The following ABCA12 variants were observed in gnomAD, a reference collection of about 807,000 sequenced individuals.
ABCA12 encodes the protein glucosylceramide transporter ABCA12.
A neutral mutation model predicts 293.5 loss-of-function variants in ABCA12; 156 were observed. The ratio of observed to expected loss-of-function variants is 0.53; its 90% CI spans 0.47 to 0.61. ABCA12 has a LOEUF of 0.61. Ranked by LOEUF, ABCA12 falls within the 20% of genes least tolerant of loss-of-function variation. The pLI is 0.00. For synonymous variants in ABCA12, 1,063 were observed against 1,108.0 expected (o/e 0.96, Z 0.81); for missense variants, 2,797 against 3,090.2 (o/e 0.91, Z 2.25).
At chr2:214,947,884 A>C (rs561837375) in intron 47 of ABCA12, 27 of 339,898 alleles carry the variant, frequency 7.9e-5, no homozygotes, top group African/African-American at 5.1e-4. Context: ...GAGCTGAAAC[A>C]GAATTCACAA....
intron 2 of ABCA12, among the ~76,000 whole-genome samples, chr2:215,087,677 C>T (rs574517783): frequency 6.6e-6 from 1 of 152,254 alleles, no homozygotes; most frequent in South Asian, 2.1e-4. Flanking sequence ...AACTTGGTGG[C>T]AGACAGTAGA....
At chr2:215,033,997 A>T (rs564109215) in intron 8 of ABCA12, among the ~76,000 whole-genome samples, 1 of 152,280 alleles carries the variant, frequency 6.6e-6, no homozygotes, top group Admixed American at 6.5e-5. Context: ...GACACAGCTA[A>T]AAAAATTGTA....
Position 214,953,875 on chromosome 2 carries a change from T to A in ABCA12, c.6626A>T (p.Glu2209Val), listed in dbSNP as rs768348367. The change falls in exon 44 of 53, where the codon GAA becomes GTA. Residue 2209 changes from glutamate (E) to valine (V), a missense_variant. By Grantham distance (121) the Glu-to-Val change is moderately radical. This residue lies in a region of ABCA12 where 2,130 missense variants were observed against 2,427.0 expected (regional missense o/e 0.88). Transcript: ENST00000272895. ...TTACCTGAGTTTCTTTATCAGGGAT[T>A]CGTTGATTAAGAGTCGCAAGGAAAA... ...MFFSLRLLIN[E>V]SLIKKLRLFF... The A allele has an allele frequency of 6.2e-7, 1 of 1,613,962 alleles. No homozygotes were observed. The highest frequency in any genetic ancestry group is 2.2e-5 in the East Asian group (1 of 44,814).
intron 1 of ABCA12, among the ~76,000 whole-genome samples, chr2:215,122,169 T>C (rs1214167056): frequency 6.6e-6 from 1 of 152,228 alleles, no homozygotes; most frequent in Non-Finnish European, 1.5e-5. Flanking sequence ...TTGCTCCCAT[T>C]TCTGAAACCT....
chr2:215,090,551 AGAG>A (rs1416425300), intron 2 of ABCA12, among the ~76,000 whole-genome samples: 1 of 152,172 alleles, frequency 6.6e-6, no homozygotes, highest in Non-Finnish European at 1.5e-5. Flanking sequence ...TGGTAGAGAC[AGAG>A]GAGATGTGTT....
chr2:215,134,272 G>A (rs60770812), intron 1 of ABCA12, among the ~76,000 whole-genome samples: 10 of 135,494 alleles, frequency 7.4e-5, no homozygotes, highest in East Asian at 6.0e-4. Context: ...ACATATATAC[G>A]TATATGTGTA....
At chr2:215,075,477 G>A (rs1471013932) in intron 2 of ABCA12, 1 of 664,234 alleles carries the variant, frequency 1.5e-6, no homozygotes, top group Admixed American at 2.5e-5. Flanking sequence ...GAGTCAAAAA[G>A]CATCCTCTTA....
intron 39 of ABCA12, among the ~76,000 whole-genome samples, chr2:214,965,520 CTTAAA>C (rs1000102250): frequency 2.0e-5 from 3 of 151,920 alleles, no homozygotes; most frequent in Admixed American, 2.0e-4. Flanking sequence ...CTTTAAAGAA[CTTAAA>C]TTTACTGGGG....
At chr2:215,122,342 A>T (rs1187190026) in intron 1 of ABCA12, among the ~76,000 whole-genome samples, 2 of 152,232 alleles carry the variant, frequency 1.3e-5, no homozygotes, top group Non-Finnish European at 2.9e-5. Context: ...AGGAACTGGA[A>T]CATTGATCAC....
chr2:215,070,228 C>T (rs1701710169), intron 2 of ABCA12, among the ~76,000 whole-genome samples: 1 of 152,048 alleles, frequency 6.6e-6, no homozygotes, highest in Non-Finnish European at 1.5e-5. Context: ...CATTGACATC[C>T]ATAAATGTCA....
intron 13 of ABCA12, 42 bp downstream of exon 13, chr2:215,019,294 C>T (rs917474581): frequency 2.0e-6 from 3 of 1,536,368 alleles, no homozygotes; most frequent in Admixed American, 1.7e-5. Context: ...GAATCACATG[C>T]ATTCTAATAA....
rs1701590741 is a variant in ABCA12, at chr2:215,064,115, G to A, written c.268C>T (p.Gln90Ter). The A allele has an allele frequency of 6.2e-7, 1 of 1,612,964 alleles. No individual in the cohort carries two copies. Among genetic ancestry groups the A allele is most frequent in the South Asian group, 1.1e-5 (1 of 91,072 alleles). Residue 90 changes from glutamine to a stop codon, truncating the protein, a stop_gained, in exon 3 of 53, where the codon CAA becomes TAA. Transcript: ENST00000272895. LOFTEE classifies it high-confidence loss of function. ...ATTCCTTTCCTACGAAGCAGATCTTGTGGGCCATAGGGTGTGTCTTTGCAT... is the reference window on the plus strand; with the variant it reads ...ATTCCTTTCCTACGAAGCAGATCTTATGGGCCATAGGGTGTGTCTTTGCAT... The part of the protein sequence containing the change: ...SKCKDTPYGP[Q>*]DLLRRKGIDD...
chr2:215,063,993 T>C, intron 3 of ABCA12, 73 bp downstream of exon 3: 1 of 1,600,580 alleles, frequency 6.2e-7, no homozygotes, highest in Non-Finnish European at 8.6e-7. Context: ...CTTGCATGGC[T>C]TCCTGGCTAT....
chr2:215,059,659 G>T (rs1016778482), intron 3 of ABCA12, among the ~76,000 whole-genome samples: 3 of 151,928 alleles, frequency 2.0e-5, no homozygotes, highest in Non-Finnish European at 4.4e-5. Flanking sequence ...ATTATTATGG[G>T]CAGATTAGGG....
intron 2 of ABCA12, among the ~76,000 whole-genome samples, chr2:215,083,965 T>C (rs1332599926): frequency 6.6e-6 from 1 of 152,184 alleles, no homozygotes; most frequent in Non-Finnish European, 1.5e-5. Context: ...AGAATATCTT[T>C]GACCTGTACC....
chr2:214,949,262 C>T, intron 45 of ABCA12, 113 bp from the exon 46 acceptor site: 1 of 809,156 alleles, frequency 1.2e-6, no homozygotes. Context: ...AAAAATAAAT[C>T]TCTGGAATTA....
At chr2:215,078,907 CAATAA>C (rs1270957739) in intron 2 of ABCA12, among the ~76,000 whole-genome samples, 2 of 152,106 alleles carry the variant, frequency 1.3e-5, no homozygotes, top group African/African-American at 4.8e-5. Context: ...TCTAAGGCAA[CAATAA>C]AATTAAATCC....
chr2:215,026,874 G>T lies in ABCA12; in HGVS notation c.1126C>A (p.Pro376Thr), dbSNP rs866576735. 1.9e-5 allele frequency: 30 copies of T among 1,613,712 alleles called. No homozygotes were observed. Among genetic ancestry groups the T allele is most frequent in the Non-Finnish European group, 2.4e-5 (28 of 1,179,674 alleles). The change falls in exon 10 of 53, where the codon CCT becomes ACT. Residue 376 changes from proline to threonine, a missense_variant. This residue lies in a region of ABCA12 where 656 missense variants were observed against 638.2 expected (regional missense o/e 1.03). Transcript: ENST00000272895. The part of the protein sequence containing the change: ...LNISANSPYI[P>T]YLACVRNVTD... ...ACATTTCTCACACATGCCAAGTAAG[G>T]AATATAAGGACTATTTGCTGATATA...
chr2:214,940,534 G>A (rs1354456905), intron 50 of ABCA12, among the ~76,000 whole-genome samples: 1 of 152,134 alleles, frequency 6.6e-6, no homozygotes, highest in Admixed American at 6.6e-5. Flanking sequence ...GTTTCAGAAG[G>A]AATGGTACCA....
Sources: allele counts gnomAD v4.1 joint callset (sites outside exome capture counted in the v4.1 genomes callset), GRCh38; gene constraint gnomAD v4.1.1; regional missense constraint gnomAD v4.1.1; transcripts MANE v1.5; gene names NCBI Gene and HGNC (gene_info 2026-07-23, HGNC 2026-07-21).